LRP1B: variants seen among roughly 807,000 people sequenced by gnomAD.
LRP1B encodes low-density lipoprotein receptor-related protein 1B.
LRP1B carries 217 observed loss-of-function variants against 556.6 expected under a neutral mutation model. The observed-to-expected ratio is 0.39, with a 90% CI of 0.35 to 0.44. The LOEUF is 0.44. LRP1B is among the 20% of genes least tolerant of loss of function. The probability of loss-of-function intolerance (pLI) is 1.00; values close to 1 mark genes in which losing one functional copy is unlikely to be tolerated. For missense variants in LRP1B, 5,053 were observed against 5,620.8 expected, an observed-to-expected ratio of 0.90 and a Z score of 3.23; for synonymous variants, 2,047 against 1,865.8, an observed-to-expected ratio of 1.10 and a Z score of -2.50.
intron 60 of LRP1B, among the ~76,000 whole-genome samples, chr2:140,465,133 T>C (rs1687491040): frequency 6.6e-6 from 1 of 152,038 alleles, no homozygotes; most frequent in African/African-American, 2.4e-5. Flanking sequence ...CTTATAATCA[T>C]GACAGAGGAA....
chr2:141,457,955 G>A (rs941731228), intron 3 of LRP1B, among the ~76,000 whole-genome samples: 1 of 152,150 alleles, frequency 6.6e-6, no homozygotes. Flanking sequence ...TGGTCAAAGG[G>A]AATCAGTAGT....
At chr2:140,482,991 A>G (rs1213312042) in intron 59 of LRP1B, among the ~76,000 whole-genome samples, 2 of 152,156 alleles carry the variant, frequency 1.3e-5, no homozygotes, top group African/African-American at 2.4e-5. Context: ...TTATACAGTT[A>G]TGGCATTTTC....
chr2:141,916,876 A>G (rs1339482786), intron 1 of LRP1B, among the ~76,000 whole-genome samples: 1 of 152,146 alleles, frequency 6.6e-6, no homozygotes, highest in Non-Finnish European at 1.5e-5. Context: ...ACCACACAAT[A>G]TACCCAGGTA....
chr2:140,777,784 T>G (rs1689549905), intron 32 of LRP1B, among the ~76,000 whole-genome samples: 1 of 151,926 alleles, frequency 6.6e-6, no homozygotes, highest in South Asian at 2.1e-4. Context: ...AATGAACAAT[T>G]ACAAAAGAAG....
intron 1 of LRP1B, among the ~76,000 whole-genome samples, chr2:141,843,905 T>G (rs771309498): frequency 6.6e-6 from 1 of 152,158 alleles, no homozygotes; most frequent in Admixed American, 6.6e-5. Context: ...CAGCAAATGC[T>G]TTACCCAGGG....
At chr2:141,639,375 T>TAC (rs1440460019) in intron 2 of LRP1B, among the ~76,000 whole-genome samples, 12 of 100,440 alleles carry the variant, frequency 1.2e-4, no homozygotes, top group Admixed American at 3.4e-4. Context: ...TATATATATA[T>TAC]ACACATATAT....
chr2:141,055,219 T>C lies in LRP1B; in HGVS notation c.1449A>G (p.Pro483=), dbSNP rs1458227485. The change falls in exon 10 of 91, where the codon CCA becomes CCG. Residue 483 remains proline (P), a synonymous_variant. Transcript: ENST00000389484. ...GTAGACAGATGTGTGAACAGCCCCCTGGCATTCCATATGGATCGACTTCAC... is the reference window on the plus strand; with the variant it reads ...GTAGACAGATGTGTGAACAGCCCCCCGGCATTCCATATGGATCGACTTCAC... ...HACEVDPYGM[P]GGCSHICLLS... 6.2e-7 allele frequency: 1 copy of C among 1,611,630 alleles called. No homozygotes were observed.
rs58799489 is a variant in LRP1B, at chr2:141,968,404, AT to A, written c.83-158004del. 5.6e-3 allele frequency among the ~76,000 whole-genome samples: 840 copies of A among 150,756 alleles called. 6 individuals are homozygous for A. Among genetic ancestry groups the A allele is most frequent in the African/African-American group, 0.018 (745 of 41,188 alleles). ...GTAATAGGAAATAAAATATTTGTGTATTTTTTTTTCCCTAAATTCCTTCATT... is the reference window on the plus strand; with the variant it reads ...GTAATAGGAAATAAAATATTTGTGTATTTTTTTTCCCTAAATTCCTTCATT... On this transcript the variant is annotated intron_variant, in intron 1 of 90. Transcript: ENST00000389484.
chr2:140,564,096 A>C (rs552025460), intron 43 of LRP1B, among the ~76,000 whole-genome samples: 1 of 152,302 alleles, frequency 6.6e-6, no homozygotes, highest in South Asian at 2.1e-4. Flanking sequence ...AGAGAATTTT[A>C]TTCAAAGAAT....
intron 1 of LRP1B, among the ~76,000 whole-genome samples, chr2:141,864,774 C>G (rs924143002): frequency 9.9e-5 from 15 of 152,016 alleles, no homozygotes; most frequent in Non-Finnish European, 1.9e-4. Flanking sequence ...CCCAGCTACT[C>G]AGGAGGCTGA....
intron 41 of LRP1B, among the ~76,000 whole-genome samples, chr2:140,680,805 C>T (rs770727672): frequency 2.0e-4 from 31 of 152,148 alleles, no homozygotes; most frequent in Middle Eastern, 3.4e-3. Flanking sequence ...ATGAGTAAGA[C>T]GAACCTCTAA....
intron 43 of LRP1B, among the ~76,000 whole-genome samples, chr2:140,596,977 G>T (rs1311102885): frequency 1.3e-5 from 2 of 152,044 alleles, no homozygotes; most frequent in African/African-American, 4.8e-5. Flanking sequence ...TAATAAATCT[G>T]CACAAAGTCT....
chr2:141,455,854 T>C (rs1266690834), intron 3 of LRP1B, among the ~76,000 whole-genome samples: 2 of 152,132 alleles, frequency 1.3e-5, no homozygotes, highest in African/African-American at 4.8e-5. Context: ...TTATCTATCA[T>C]TCAAAGAATA....
At chr2:141,232,431 T>A (rs1683504864) in intron 5 of LRP1B, among the ~76,000 whole-genome samples, 1 of 152,204 alleles carries the variant, frequency 6.6e-6, no homozygotes. Flanking sequence ...AAAGTCCAGA[T>A]TTAGACAGCC....
intron 7 of LRP1B, among the ~76,000 whole-genome samples, chr2:141,140,428 C>T (rs949059433): frequency 1.3e-5 from 2 of 151,822 alleles, no homozygotes; most frequent in African/African-American, 4.8e-5. Context: ...ATTGTGTTAT[C>T]CCAAAATTTG....
intron 25 of LRP1B, among the ~76,000 whole-genome samples, chr2:140,878,697 A>G (rs1693381742): frequency 6.6e-6 from 1 of 152,146 alleles, no homozygotes; most frequent in African/African-American, 2.4e-5. Flanking sequence ...GGGCCAGTAG[A>G]GAGATTTGCA....
intron 2 of LRP1B, among the ~76,000 whole-genome samples, chr2:141,782,696 A>G (rs1425156455): frequency 6.6e-6 from 1 of 151,996 alleles, no homozygotes; most frequent in African/African-American, 2.4e-5. Context: ...ATTACTAAAA[A>G]CAAACATAAC....
chr2:141,207,090 G>T (rs1210339184), intron 6 of LRP1B, among the ~76,000 whole-genome samples: 2 of 152,152 alleles, frequency 1.3e-5, no homozygotes, highest in African/African-American at 2.4e-5. Flanking sequence ...AGAAATAGGA[G>T]TCCTTAAATT....
At chr2:141,151,109 A>T (rs758437526) in intron 7 of LRP1B, among the ~76,000 whole-genome samples, 1 of 152,206 alleles carries the variant, frequency 6.6e-6, no homozygotes, top group Admixed American at 6.5e-5. Context: ...TGTTGCAGTA[A>T]CAAAGAACTT....
Sources: allele counts gnomAD v4.1 joint callset (sites outside exome capture counted in the v4.1 genomes callset), GRCh38; gene constraint gnomAD v4.1.1; transcripts MANE v1.5; gene names NCBI Gene and HGNC (gene_info 2026-07-23, HGNC 2026-07-21).